RALYL: variants seen among roughly 807,000 people sequenced by gnomAD.
The protein encoded by RALYL is RALY RNA binding protein like, also known as RNA-binding Raly-like protein.
Under a neutral mutation model 35.1 loss-of-function variants are expected in RALYL, and 29 were observed. The observed-to-expected ratio is 0.83, with a 90% CI of 0.61 to 1.13. The LOEUF is 1.13. Ranked by LOEUF, RALYL falls within the 50% of genes most tolerant of loss-of-function variation. The pLI is 0.00. For missense variants in RALYL, 359 were observed against 360.4 expected (o/e 1.00, Z 0.03); for synonymous variants, 120 against 127.6 (o/e 0.94, Z 0.40).
intron 4 of RALYL, among the ~76,000 whole-genome samples, chr8:84,825,490 T>C (rs1829473700): frequency 6.6e-6 from 1 of 152,154 alleles, no homozygotes; most frequent in Admixed American, 6.5e-5. Context: ...GCAATCCCAT[T>C]ACGGGGTATA....
chr8:84,834,400 T>A (rs1021283080), intron 4 of RALYL, among the ~76,000 whole-genome samples: 2 of 152,202 alleles, frequency 1.3e-5, no homozygotes, highest in African/African-American at 4.8e-5. Context: ...TGCAGCTGAC[T>A]TGAGGTCAGA....
At position 84,702,520 on chromosome 8, in the gene RALYL, GTCTCTCTC is replaced by G. The variant is rs141253736; in HGVS notation, c.257-72046_257-72039del. 2.1e-5 allele frequency among the ~76,000 whole-genome samples: 3 copies of G among 141,872 alleles called. No homozygotes were observed. In the East Asian group the frequency reaches 6.0e-4, roughly 28 times the overall value. 93.1% of individuals were successfully genotyped at this position (141,872 alleles called of 152,430 possible). A position where few individuals can be genotyped will look rare whatever the true frequency, so the allele number is the denominator to read the frequency against. ...TATTTAGCATAGGGCTAGTTGCATA[GTCTCTCTC>G]TCTCTCTCTCTCACACACACACACA... On this transcript the variant is annotated intron_variant, in intron 2 of 8. Coordinates refer to ENST00000521268, the MANE Select transcript of RALYL (RefSeq NM_173848.7).
intron 2 of RALYL, among the ~76,000 whole-genome samples, chr8:84,612,704 G>A (rs1818584296): frequency 6.6e-6 from 1 of 151,474 alleles, no homozygotes. Flanking sequence ...GTGCTATTTG[G>A]GAGTATTACT....
chr8:84,335,467 C>A (rs1175971958), intron 1 of RALYL, among the ~76,000 whole-genome samples: 1 of 152,004 alleles, frequency 6.6e-6, no homozygotes, highest in Non-Finnish European at 1.5e-5. Context: ...GCAGGCAGTT[C>A]CATTAAGGTT....
chr8:84,498,583 C>A (rs1431926228), intron 1 of RALYL, among the ~76,000 whole-genome samples: 1 of 152,066 alleles, frequency 6.6e-6, no homozygotes, highest in Admixed American at 6.6e-5. Flanking sequence ...GTATTTTTAA[C>A]TGCTGCTGAG....
intron 1 of RALYL, among the ~76,000 whole-genome samples, chr8:84,499,229 C>T (rs143199109): frequency 4.1e-4 from 63 of 152,006 alleles, no homozygotes; most frequent in African/African-American, 1.1e-3. Flanking sequence ...AATTTTTCAA[C>T]GCTTACCTCC....
At chr8:84,381,425 C>T (rs1035701431) in intron 1 of RALYL, among the ~76,000 whole-genome samples, 1 of 151,860 alleles carries the variant, frequency 6.6e-6, no homozygotes, top group African/African-American at 2.4e-5. Flanking sequence ...AACTCTTCCA[C>T]CTGTTCTTTC....
chr8:84,605,967 C>T (rs1482936348), intron 2 of RALYL, among the ~76,000 whole-genome samples: 3 of 152,094 alleles, frequency 2.0e-5, no homozygotes, highest in African/African-American at 7.2e-5. Context: ...CATTAATCTG[C>T]ACACATTCCC....
At chr8:84,792,869 T>C (rs1475465675) in intron 3 of RALYL, among the ~76,000 whole-genome samples, 1 of 152,248 alleles carries the variant, frequency 6.6e-6, no homozygotes, top group African/African-American at 2.4e-5. Context: ...ATGTCCCATC[T>C]GCCACATCAC....
chr8:84,190,860 G>A (rs73294137), intron 1 of RALYL, among the ~76,000 whole-genome samples: 3,589 of 146,952 alleles, frequency 0.024, 165 homozygotes, highest in African/African-American at 0.091. Context: ...GTAGAAATTT[G>A]GGAACATCTG....
At chr8:84,210,757 G>C (rs1010350344) in intron 1 of RALYL, among the ~76,000 whole-genome samples, 1 of 151,942 alleles carries the variant, frequency 6.6e-6, no homozygotes, top group African/African-American at 2.4e-5. Context: ...TTTCAGCAAG[G>C]CTCTATGCCA....
intron 1 of RALYL, among the ~76,000 whole-genome samples, chr8:84,448,426 T>C (rs774927844): frequency 2.6e-5 from 4 of 152,062 alleles, no homozygotes; most frequent in Admixed American, 1.3e-4. Flanking sequence ...AAAAATAATG[T>C]TAGTTTTTAA....
intron 1 of RALYL, among the ~76,000 whole-genome samples, chr8:84,399,315 T>C (rs1224725339): frequency 1.3e-5 from 2 of 152,234 alleles, no homozygotes; most frequent in Non-Finnish European, 1.5e-5. Flanking sequence ...CCCCATTTTA[T>C]AGCTAGACAG....
At chr8:84,894,968 T>C (rs1044950967) in intron 8 of RALYL, among the ~76,000 whole-genome samples, 1 of 152,186 alleles carries the variant, frequency 6.6e-6, no homozygotes, top group Admixed American at 6.5e-5. Context: ...TCACTGGCTT[T>C]AGTTTTTCCA....
At chr8:84,239,745 G>C (rs1366565230) in intron 1 of RALYL, among the ~76,000 whole-genome samples, 1 of 151,936 alleles carries the variant, frequency 6.6e-6, no homozygotes, top group Non-Finnish European at 1.5e-5. Context: ...ACAAAAATTA[G>C]CCAGACGTGG....
chr8:84,516,448 T>C (rs1390692158), intron 1 of RALYL, among the ~76,000 whole-genome samples: 1 of 149,398 alleles, frequency 6.7e-6, no homozygotes, highest in African/African-American at 2.4e-5. Context: ...GGCTCGTTTT[T>C]AGAGCTGTAT....
intron 4 of RALYL, among the ~76,000 whole-genome samples, chr8:84,833,733 A>G (rs1831393017): frequency 6.6e-6 from 1 of 151,974 alleles, no homozygotes; most frequent in South Asian, 2.1e-4. Context: ...TATTTCTTAC[A>G]GCAATATCTG....
chr8:84,831,209 A>G (rs139971690), intron 4 of RALYL, among the ~76,000 whole-genome samples: 26 of 152,320 alleles, frequency 1.7e-4, no homozygotes, highest in African/African-American at 5.8e-4. Context: ...GGCATTTAGA[A>G]TTTGAAATGT....
intron 2 of RALYL, among the ~76,000 whole-genome samples, chr8:84,701,205 T>C (rs935051235): frequency 1.3e-5 from 2 of 152,160 alleles, no homozygotes; most frequent in African/African-American, 4.8e-5. Flanking sequence ...AGTTGAGATA[T>C]CACTTCCTAT....
Sources: gnomAD v4.1 joint callset for allele counts (sites outside exome capture counted in the v4.1 genomes callset) on GRCh38, gnomAD v4.1.1 for gene constraint, MANE v1.5 for transcripts, NCBI Gene and HGNC (gene_info 2026-07-23, HGNC 2026-07-21) for gene names.